Variants in SLC41A2 observed in about 807,000 individuals in gnomAD.
SLC41A2 encodes solute carrier family 41 member 2, also known as SLC41A1-like 1.
SLC41A2 carries 32 observed loss-of-function variants against 58.3 expected under a neutral mutation model. That is an observed-to-expected ratio of 0.55 (90% CI 0.41 to 0.74). The LOEUF is 0.74. SLC41A2 is among the 30% of genes least tolerant of loss of function. SLC41A2 has a pLI of 0.00. For missense variants in SLC41A2, 514 were observed against 680.6 expected, an observed-to-expected ratio of 0.76 and a Z score of 2.72; for synonymous variants, 190 against 235.0, an observed-to-expected ratio of 0.81 and a Z score of 1.75.
chr12:104,812,390 A>G (rs1177010466), intron 10 of SLC41A2, among the ~76,000 whole-genome samples: 6 of 152,252 alleles, frequency 3.9e-5, no homozygotes, highest in Non-Finnish European at 5.9e-5. Context: ...CAGGTTATTT[A>G]TGAAGAAATA....
At chr12:104,939,951 AG>A (rs1391630287) in intron 1 of SLC41A2, among the ~76,000 whole-genome samples, 3 of 152,140 alleles carry the variant, frequency 2.0e-5, no homozygotes. Context: ...CCACTCTGCA[AG>A]GGTACCTTGT....
rs75700415 is a variant in SLC41A2 at position 104,828,749 on chromosome 12, A to G, written c.1536+15723T>C. On this transcript the variant is annotated intron_variant, in intron 10 of 10. Transcript: ENST00000258538. Reference sequence around the variant, plus strand: ...AAATGAAAATAAAAAGACAATTGATAGACTGTGAGAAAATATTTCCAATAC... The same window carrying G: ...AAATGAAAATAAAAAGACAATTGATGGACTGTGAGAAAATATTTCCAATAC... Among the ~76,000 whole-genome samples, 218 of 152,340 alleles carry G rather than the reference A, an allele frequency of 1.4e-3. 1 individual carries two copies. The highest frequency in any genetic ancestry group is 5.0e-3 in the African/African-American group (209 of 41,580).
intron 6 of SLC41A2, among the ~76,000 whole-genome samples, chr12:104,876,163 T>C (rs1280041890): frequency 1.3e-5 from 2 of 152,132 alleles, no homozygotes; most frequent in African/African-American, 4.8e-5. Context: ...CTTCTCTTTT[T>C]TTTTCTTAGT....
chr12:104,884,939 C>T (rs911420284), intron 6 of SLC41A2, among the ~76,000 whole-genome samples: 3 of 152,180 alleles, frequency 2.0e-5, no homozygotes, highest in African/African-American at 7.2e-5. Flanking sequence ...ACTTCAGCAT[C>T]TATTTCTAAA....
chr12:104,822,202 T>C (rs2041665613), intron 10 of SLC41A2, among the ~76,000 whole-genome samples: 3 of 152,236 alleles, frequency 2.0e-5, no homozygotes, highest in African/African-American at 7.2e-5. Context: ...GATTTTCTAC[T>C]ATATGCTAAG....
At chr12:104,877,301 T>C (rs1474747589) in intron 6 of SLC41A2, among the ~76,000 whole-genome samples, 1 of 152,198 alleles carries the variant, frequency 6.6e-6, no homozygotes, top group Non-Finnish European at 1.5e-5. Context: ...GGAGGCCCCC[T>C]AGTGCGCACA....
chr12:104,942,244 C>T (rs1434678789), intron 1 of SLC41A2, among the ~76,000 whole-genome samples: 1 of 151,926 alleles, frequency 6.6e-6, no homozygotes. Context: ...TTTGGGAGGC[C>T]GAGGCAGGTG....
chr12:104,957,167 G>T (rs931066594), intron 1 of SLC41A2, among the ~76,000 whole-genome samples: 1 of 142,578 alleles, frequency 7.0e-6, no homozygotes, highest in Non-Finnish European at 1.6e-5. Flanking sequence ...AAACAAATGT[G>T]GTACACTGAT....
intron 10 of SLC41A2, among the ~76,000 whole-genome samples, chr12:104,826,682 C>T (rs1046246446): frequency 6.6e-5 from 10 of 152,184 alleles, no homozygotes; most frequent in Non-Finnish European, 1.3e-4. Context: ...CAGTAAGGTC[C>T]AGGTCCCCTT....
intron 6 of SLC41A2, 29 bp from the exon 7 acceptor site, chr12:104,866,608 A>G: frequency 2.7e-6 from 4 of 1,494,980 alleles, no homozygotes; most frequent in Non-Finnish European, 1.8e-6. Context: ...AAAAAAAGAG[A>G]GACAACATTT....
chr12:104,919,075 G>T (rs1010950916), intron 2 of SLC41A2, among the ~76,000 whole-genome samples: 3 of 152,250 alleles, frequency 2.0e-5, no homozygotes, highest in East Asian at 1.9e-4. Context: ...ATCAATCAGA[G>T]AATTTTGTAT....
At chr12:104,916,299 A>T (rs1175926290) in intron 2 of SLC41A2, among the ~76,000 whole-genome samples, 1 of 152,120 alleles carries the variant, frequency 6.6e-6, no homozygotes, top group Admixed American at 6.5e-5. Context: ...TGAGTTAGGG[A>T]GGATTCCCTC....
intron 10 of SLC41A2, among the ~76,000 whole-genome samples, chr12:104,824,221 G>A (rs936017406): frequency 5.3e-5 from 8 of 151,978 alleles, no homozygotes; most frequent in Non-Finnish European, 1.0e-4. Context: ...ACCCTGGCCT[G>A]CCACGCCCCC....
At chr12:104,895,091 T>C (rs900455005) in intron 4 of SLC41A2, among the ~76,000 whole-genome samples, 183 bp downstream of exon 4, 3 of 152,200 alleles carry the variant, frequency 2.0e-5, no homozygotes, top group African/African-American at 7.2e-5. Context: ...AAACAACGAA[T>C]AGTTTCAGAG....
At position 104,804,586 on chromosome 12, in the gene SLC41A2, T is replaced by C. The variant is rs2040826468; in HGVS notation, c.*566A>G. The C allele has an allele frequency of 6.6e-6, 1 of 152,334 alleles. No homozygotes were observed. Among genetic ancestry groups the C allele is most frequent in the South Asian group, 2.1e-4 (1 of 4,834 alleles). 9.4% of individuals were successfully genotyped at this position (152,334 alleles called of 1,614,324 possible). Reference sequence around the variant, plus strand: ...AATTGGCATCAGAACAGGATAATTTTAGATGGAGGTAAAAGTGAGTTTATC... The same window carrying C: ...AATTGGCATCAGAACAGGATAATTTCAGATGGAGGTAAAAGTGAGTTTATC... On this transcript the variant is annotated 3_prime_UTR_variant, in exon 11 of 11. Transcript: ENST00000258538.
intron 8 of SLC41A2, among the ~76,000 whole-genome samples, chr12:104,853,911 A>ATTATTATTATTTTTTTTTTTTTTTTTTTT: frequency 1.7e-5 from 1 of 59,492 alleles, no homozygotes; most frequent in Non-Finnish European, 3.2e-5. Flanking sequence ...TGCCTGGCTG[A>ATTATTATTATTTTTTTTTTTTTTTTTTTT]TTTTTTTTTT....
chr12:104,840,954 T>C (rs964559882), intron 10 of SLC41A2, among the ~76,000 whole-genome samples: 4 of 152,196 alleles, frequency 2.6e-5, no homozygotes, highest in Admixed American at 2.6e-4. Flanking sequence ...TGAGAGATGA[T>C]ATACTCTGAA....
At chr12:104,910,597 T>A (rs1325255657) in intron 2 of SLC41A2, among the ~76,000 whole-genome samples, 1 of 152,136 alleles carries the variant, frequency 6.6e-6, no homozygotes, top group Non-Finnish European at 1.5e-5. Flanking sequence ...TAGGCCATAA[T>A]GGGAAGGGGG....
rs79220950 is a variant in SLC41A2, at chr12:104,938,789, G to C, written c.-167-10095C>G. On this transcript the variant is annotated intron_variant, in intron 1 of 10. Coordinates refer to ENST00000258538, the MANE Select transcript of SLC41A2 (RefSeq NM_001352171.3). ...GACCTAACAAAAGCTAACTTAAAAA[G>C]TATATGTTTTAAAAAGTAATCTGAC... Among the ~76,000 whole-genome samples, 521 of 152,284 alleles carry C rather than the reference G, an allele frequency of 3.4e-3. 6 individuals carry two copies. The highest frequency in any genetic ancestry group is 0.012 in the African/African-American group (486 of 41,576).
Sources: allele counts gnomAD v4.1 joint callset (sites outside exome capture counted in the v4.1 genomes callset), GRCh38; gene constraint gnomAD v4.1.1; transcripts MANE v1.5; gene names NCBI Gene and HGNC (gene_info 2026-07-23, HGNC 2026-07-21).